Variants in NR6A1 observed in about 807,000 individuals in gnomAD.
The protein encoded by NR6A1 is retinoic acid receptor-related testis-associated receptor.
In NR6A1, 7 loss-of-function variants were observed where a neutral mutation model predicts 59.1. The observed-to-expected ratio is 0.12, with a 90% CI of 0.07 to 0.22. NR6A1 has a LOEUF of 0.22. Among genes scored for constraint, NR6A1 ranks in the 10% least tolerant of loss-of-function variants. The pLI is 1.00. For missense variants in NR6A1, 468 were observed against 611.6 expected (o/e 0.77, Z 2.48); for synonymous variants, 243 against 236.1 (o/e 1.03, Z -0.27).
At chr9:124,626,832 G>A (rs1187923860) in intron 2 of NR6A1, among the ~76,000 whole-genome samples, 1 of 152,154 alleles carries the variant, frequency 6.6e-6, no homozygotes, top group Non-Finnish European at 1.5e-5. Flanking sequence ...TACTCAGGAG[G>A]CTGAGGCAGG....
intron 2 of NR6A1, among the ~76,000 whole-genome samples, chr9:124,592,056 G>A (rs1332882224): frequency 1.3e-5 from 2 of 152,198 alleles, no homozygotes; most frequent in Non-Finnish European, 2.9e-5. Context: ...ATTGGTGGTC[G>A]CGGGGTGGGA....
intron 2 of NR6A1, among the ~76,000 whole-genome samples, chr9:124,715,834 T>C (rs530046473): frequency 6.6e-6 from 1 of 152,296 alleles, no homozygotes; most frequent in South Asian, 2.1e-4. Context: ...GACACTATGG[T>C]ATTGGTAAAA....
chr9:124,566,899 G>C (rs980440531), intron 2 of NR6A1, among the ~76,000 whole-genome samples: 6 of 152,140 alleles, frequency 3.9e-5, no homozygotes, highest in Non-Finnish European at 8.8e-5. Context: ...ACGAGGTCAG[G>C]AGATAGAGAC....
intron 3 of NR6A1, among the ~76,000 whole-genome samples, chr9:124,548,246 C>G (rs1833660254): frequency 6.6e-6 from 1 of 152,138 alleles, no homozygotes; most frequent in East Asian, 1.9e-4. Flanking sequence ...GGAATTATTA[C>G]TACTGTTGCA....
intron 3 of NR6A1, among the ~76,000 whole-genome samples, chr9:124,544,851 G>A (rs75979221): frequency 6.6e-6 from 1 of 152,124 alleles, no homozygotes; most frequent in Non-Finnish European, 1.5e-5. Context: ...AGGAATGTAG[G>A]GGGGCACTGT....
chr9:124,674,788 T>C (rs1224748484), intron 2 of NR6A1, among the ~76,000 whole-genome samples: 1 of 152,186 alleles, frequency 6.6e-6, no homozygotes, highest in Non-Finnish European at 1.5e-5. Flanking sequence ...ACAGGAACTA[T>C]ATAACTACTA....
chr9:124,537,683 C>T (rs987557804), intron 6 of NR6A1, among the ~76,000 whole-genome samples: 3 of 152,238 alleles, frequency 2.0e-5, no homozygotes, highest in African/African-American at 7.2e-5. Context: ...CCAGGCTAGC[C>T]ATGGGGATGC....
At chr9:124,526,403 T>C (rs903171908) in intron 8 of NR6A1, among the ~76,000 whole-genome samples, 1 of 152,100 alleles carries the variant, frequency 6.6e-6, no homozygotes, top group African/African-American at 2.4e-5. Context: ...GTTTCATCAG[T>C]CACTCTGCTC....
At chr9:124,594,409 G>A (rs978565804) in intron 2 of NR6A1, among the ~76,000 whole-genome samples, 2 of 151,808 alleles carry the variant, frequency 1.3e-5, no homozygotes, top group Non-Finnish European at 2.9e-5. Flanking sequence ...CAAGCTCGTC[G>A]AAAAAAAATC....
At chr9:124,564,831 A>C (rs1834190146) in intron 2 of NR6A1, among the ~76,000 whole-genome samples, 1 of 152,216 alleles carries the variant, frequency 6.6e-6, no homozygotes, top group Non-Finnish European at 1.5e-5. Flanking sequence ...AAGCTATAGT[A>C]ATTAAAATGT....
chr9:124,673,601 G>T (rs1471645231), intron 2 of NR6A1, among the ~76,000 whole-genome samples: 1 of 152,072 alleles, frequency 6.6e-6, no homozygotes, highest in African/African-American at 2.4e-5. Context: ...TGACTTTTAG[G>T]AATGCCTGTG....
intron 1 of NR6A1, among the ~76,000 whole-genome samples, chr9:124,768,640 T>G (rs1841009524): frequency 6.6e-6 from 1 of 152,246 alleles, no homozygotes; most frequent in Non-Finnish European, 1.5e-5. Context: ...CACCTTAGTC[T>G]AAATGGATTG....
At chr9:124,732,059 G>C (rs1471987009) in intron 2 of NR6A1, among the ~76,000 whole-genome samples, 1 of 152,170 alleles carries the variant, frequency 6.6e-6, no homozygotes, top group Non-Finnish European at 1.5e-5. Flanking sequence ...CCTGGTGTTT[G>C]ATAAGCATCA....
At chr9:124,662,124 T>A (rs1440605865) in intron 2 of NR6A1, among the ~76,000 whole-genome samples, 1 of 152,098 alleles carries the variant, frequency 6.6e-6, no homozygotes, top group African/African-American at 2.4e-5. Context: ...AGGTCCATTT[T>A]TTTCCCCCTT....
rs945157280 is a variant in NR6A1, at chr9:124,586,811, T to C, written c.143-32241A>G. 2.0e-5 allele frequency among the ~76,000 whole-genome samples: 3 copies of C among 152,316 alleles called. No homozygotes were observed. The South Asian group carries it at 6.2e-4, about 32-fold the overall frequency. On this transcript the variant is annotated intron_variant, in intron 2 of 9. Coordinates refer to ENST00000487099, the MANE Select transcript of NR6A1 (RefSeq NM_033334.4). ...TGGAGGAGCAAAGAAAGAGGTTTCT[T>C]TGTAGATGGAATCTACTCCTGGTGA...
At chr9:124,580,016 T>TAAAC (rs375963154) in intron 2 of NR6A1, among the ~76,000 whole-genome samples, 116 of 152,160 alleles carry the variant, frequency 7.6e-4, no homozygotes, top group African/African-American at 1.5e-3. Flanking sequence ...GTCTCATAAA[T>TAAAC]AAACAAACAA....
chr9:124,547,118 C>T (rs933364451), intron 3 of NR6A1, among the ~76,000 whole-genome samples: 7 of 152,254 alleles, frequency 4.6e-5, no homozygotes, highest in Admixed American at 6.5e-5. Context: ...TCTGCTGTAA[C>T]TCTTATCTAA....
intron 2 of NR6A1, among the ~76,000 whole-genome samples, chr9:124,604,937 G>A (rs1410799110): frequency 6.6e-6 from 1 of 152,112 alleles, no homozygotes; most frequent in African/African-American, 2.4e-5. Context: ...CTTTATAGAA[G>A]CATTCCAGAG....
chr9:124,609,975 T>C (rs556350954), intron 2 of NR6A1, among the ~76,000 whole-genome samples: 71 of 152,366 alleles, frequency 4.7e-4, no homozygotes, highest in Non-Finnish European at 8.4e-4. Context: ...CTGAGACTGC[T>C]GAAGTTGCTT....
Sources: allele counts gnomAD v4.1 joint callset (sites outside exome capture counted in the v4.1 genomes callset), GRCh38; gene constraint gnomAD v4.1.1; transcripts MANE v1.5; gene names NCBI Gene and HGNC (gene_info 2026-07-23, HGNC 2026-07-21).